The following ZNF626 variants were observed in gnomAD, a reference collection of about 807,000 sequenced individuals.
ZNF626 encodes CTC-513N18.7.
In ZNF626, 4 loss-of-function variants were observed where a neutral mutation model predicts 11.7. The ratio of observed to expected loss-of-function variants is 0.34; its 90% CI spans 0.17 to 0.78. The LOEUF (loss-of-function observed/expected upper bound fraction) is 0.78, where lower values mean the gene tolerates loss of function less well. Among genes scored for constraint, ZNF626 ranks in the 30% least tolerant of loss-of-function variants. The pLI is 0.57. For missense variants in ZNF626, 588 were observed against 587.1 expected (o/e 1.00, Z -0.01); for synonymous variants, 179 against 198.6 (o/e 0.90, Z 0.83).
intron 3 of ZNF626, among the ~76,000 whole-genome samples, chr19:20,629,827 T>A (rs1969882821): frequency 1.3e-5 from 2 of 151,950 alleles, no homozygotes; most frequent in Admixed American, 6.6e-5. Flanking sequence ...TGAATAGGAG[T>A]GGTGAGAGAG....
chr19:20,639,223 T>G (rs1555771187), intron 3 of ZNF626, among the ~76,000 whole-genome samples: 1 of 152,004 alleles, frequency 6.6e-6, no homozygotes, highest in East Asian at 1.9e-4. Flanking sequence ...CATGAGAAAT[T>G]TGCCCCTGTG....
rs191220913 is a variant in ZNF626 at position 20,623,832 on chromosome 19, T to C, written c.*458A>G. On this transcript the variant is annotated 3_prime_UTR_variant, in exon 4 of 4. Coordinates refer to ENST00000601440, the MANE Select transcript of ZNF626 (RefSeq NM_001076675.3). Reference sequence around the variant, plus strand: ...AAAAAAAAAAAGACAGAACTTGTTATATGCTTTGCCACATTCTTCACACTT... The same window carrying C: ...AAAAAAAAAAAGACAGAACTTGTTACATGCTTTGCCACATTCTTCACACTT... 1.2e-4 allele frequency: 34 copies of C among 287,744 alleles called. 1 individual carries two copies. The highest frequency in any genetic ancestry group is 4.3e-4 in the Middle Eastern group (1 of 2,348). 17.8% of individuals were successfully genotyped at this position (287,744 alleles called of 1,614,324 possible). A position where few individuals can be genotyped will look rare whatever the true frequency, so the allele number is the denominator to read the frequency against.
intron 3 of ZNF626, among the ~76,000 whole-genome samples, chr19:20,643,755 T>C (rs1970047106): frequency 6.6e-6 from 1 of 152,134 alleles, no homozygotes; most frequent in African/African-American, 2.4e-5. Context: ...TACATTACTG[T>C]TGGAGAGAAA....
chr19:20,659,371 C>G (rs782235913), intron 1 of ZNF626, among the ~76,000 whole-genome samples: 6 of 152,132 alleles, frequency 3.9e-5, no homozygotes, highest in Non-Finnish European at 5.9e-5. Flanking sequence ...TCCCAAGTAG[C>G]TGGCATTACA....
intron 3 of ZNF626, among the ~76,000 whole-genome samples, chr19:20,637,311 C>G (rs1969977125): frequency 6.6e-6 from 1 of 151,554 alleles, no homozygotes; most frequent in African/African-American, 2.4e-5. Flanking sequence ...ATGGTGAAAC[C>G]CTGTCTCTAC....
At chr19:20,656,290 A>C (rs1272012366) in intron 1 of ZNF626, among the ~76,000 whole-genome samples, 1 of 152,206 alleles carries the variant, frequency 6.6e-6, no homozygotes, top group Non-Finnish European at 1.5e-5. Flanking sequence ...AATCAACTCA[A>C]GATAAATTAA....
intron 1 of ZNF626, among the ~76,000 whole-genome samples, chr19:20,654,304 C>G (rs1970180500): frequency 6.6e-6 from 1 of 152,006 alleles, no homozygotes; most frequent in South Asian, 2.1e-4. Context: ...TTAGCCGGAC[C>G]TGGTGGCTCA....
At chr19:20,635,156 G>A (rs1555770801) in intron 3 of ZNF626, among the ~76,000 whole-genome samples, 1 of 152,078 alleles carries the variant, frequency 6.6e-6, no homozygotes, top group East Asian at 1.9e-4. Context: ...GATTATATGA[G>A]ATATGTAAAG....
intron 1 of ZNF626, among the ~76,000 whole-genome samples, chr19:20,649,883 T>C (rs1568461233): frequency 1.3e-5 from 2 of 152,256 alleles, no homozygotes; most frequent in African/African-American, 4.8e-5. Context: ...AGGTCTCTTA[T>C]TACTTAGCAC....
chr19:20,652,318 A>G (rs1222445437), intron 1 of ZNF626, among the ~76,000 whole-genome samples: 3 of 149,438 alleles, frequency 2.0e-5, no homozygotes, highest in Non-Finnish European at 4.4e-5. Context: ...AAAAAAGCTG[A>G]CACAACATGA....
rs1969760501 is a variant in ZNF626 at position 20,621,744 on chromosome 19, T to C, written c.*2546A>G. 1 of 152,218 alleles carries C rather than the reference T, an allele frequency of 6.6e-6. No homozygotes were observed. Among genetic ancestry groups the C allele is most frequent in the Non-Finnish European group, 1.5e-5 (1 of 68,040 alleles). 9.4% of individuals were successfully genotyped at this position (152,218 alleles called of 1,614,324 possible). A position where few individuals can be genotyped will look rare whatever the true frequency, so the allele number is the denominator to read the frequency against. On this transcript the variant is annotated 3_prime_UTR_variant, in exon 4 of 4. Transcript: ENST00000601440. Reference sequence around the variant, plus strand: ...CTTCATTTGCAGTTTACTGGCAAAGTGATTACTAGTGATGACATTCCACTA... The same window carrying C: ...CTTCATTTGCAGTTTACTGGCAAAGCGATTACTAGTGATGACATTCCACTA...
chr19:20,626,616 G>A (rs1478541780), intron 3 of ZNF626, among the ~76,000 whole-genome samples: 3 of 151,646 alleles, frequency 2.0e-5, no homozygotes, highest in Admixed American at 6.6e-5. Flanking sequence ...TACTTGGGAG[G>A]CTGACACACA....
intron 1 of ZNF626, among the ~76,000 whole-genome samples, chr19:20,660,117 G>A (rs868946061): frequency 2.6e-5 from 4 of 151,776 alleles, no homozygotes; most frequent in African/African-American, 9.7e-5. Context: ...AAAATTAGCC[G>A]GGCGTGATGG....
chr19:20,654,249 G>C (rs1555772852), intron 1 of ZNF626, among the ~76,000 whole-genome samples: 2 of 151,944 alleles, frequency 1.3e-5, no homozygotes, highest in African/African-American at 2.4e-5. Context: ...AACCAGCCTG[G>C]CCAATATAGT....
At chr19:20,625,846 T>TA (rs145265163) in intron 3 of ZNF626, among the ~76,000 whole-genome samples, 196 bp from the exon 4 acceptor site, 120,701 of 152,046 alleles carry the variant, frequency 0.79, 48,864 homozygotes, top group Admixed American at 0.87. Context: ...AAAAAACTTA[T>TA]AATAAGTTGT....
intron 3 of ZNF626, among the ~76,000 whole-genome samples, chr19:20,633,046 TCCA>T (rs1555770527): frequency 1.3e-5 from 2 of 152,132 alleles, no homozygotes; most frequent in African/African-American, 4.8e-5. Context: ...TTGCTGGAGG[TCCA>T]CTCCAGACAC....
At chr19:20,644,402 G>C (rs951152905) in intron 3 of ZNF626, among the ~76,000 whole-genome samples, 9 of 152,108 alleles carry the variant, frequency 5.9e-5, no homozygotes, top group South Asian at 2.1e-4. Flanking sequence ...AACTACCCAA[G>C]CCCCTGTAAC....
intron 3 of ZNF626, among the ~76,000 whole-genome samples, chr19:20,634,991 T>C (rs1969951206): frequency 6.6e-6 from 1 of 152,172 alleles, no homozygotes. Flanking sequence ...AGCCAACAGG[T>C]TAAAACAATA....
intron 1 of ZNF626, among the ~76,000 whole-genome samples, chr19:20,651,553 G>A (rs1000030527): frequency 5.3e-5 from 8 of 152,090 alleles, no homozygotes; most frequent in African/African-American, 9.7e-5. Context: ...TGTATGAGGG[G>A]ATGAACAAAC....
Sources: allele counts gnomAD v4.1 joint callset (sites outside exome capture counted in the v4.1 genomes callset), GRCh38; gene constraint gnomAD v4.1.1; transcripts MANE v1.5; gene names NCBI Gene and HGNC (gene_info 2026-07-23, HGNC 2026-07-21).